The following NINJ2 variants were observed in gnomAD, a reference collection of about 807,000 sequenced individuals.
The protein encoded by NINJ2 is ninjurin-2.
A neutral mutation model predicts 11.7 loss-of-function variants in NINJ2; 12 were observed. The ratio of observed to expected loss-of-function variants is 1.02; its 90% CI spans 0.66 to 1.66. The LOEUF (loss-of-function observed/expected upper bound fraction) is 1.66, where lower values mean the gene tolerates loss of function less well. Ranked by LOEUF, NINJ2 falls within the 40% of genes most tolerant of loss-of-function variation. NINJ2 has a pLI of 0.00. For missense variants in NINJ2, 187 were observed against 181.8 expected (o/e 1.03, Z -0.16); for synonymous variants, 93 against 76.8 (o/e 1.21, Z -1.10).
At chr12:652,371 A>G (rs185684624) in intron 1 of NINJ2, among the ~76,000 whole-genome samples, 12 of 152,256 alleles carry the variant, frequency 7.9e-5, no homozygotes, top group Admixed American at 7.2e-4. Context: ...CAGACAAACA[A>G]AACTAAGAGG....
Position 615,232 on chromosome 12 carries a change from A to T in NINJ2, c.33+48096T>A, listed in dbSNP as rs181470354. On this transcript the variant is annotated intron_variant, in intron 1 of 3. Coordinates refer to ENST00000305108, the MANE Select transcript of NINJ2 (RefSeq NM_016533.6). ...TGCTAAATGAGAACACCTTATATTT[A>T]CCAAGAGGAGCATGATTTTTTTAAA... is the stretch of plus-strand genomic sequence containing the variant. Among the ~76,000 whole-genome samples the T allele has an allele frequency of 3.6e-3, 549 of 152,348 alleles. 8 individuals are homozygous for T. The highest frequency in any genetic ancestry group is 0.013 in the African/African-American group (521 of 41,578).
rs1947297734 is a variant in NINJ2 at position 566,098 on chromosome 12, C to T, written c.114G>A (p.Leu38=). 6.2e-7 allele frequency: 1 copy of T among 1,614,174 alleles called. No individual in the cohort carries two copies. The highest frequency in any genetic ancestry group is 8.5e-7 in the Non-Finnish European group (1 of 1,180,026). Residue 38 remains leucine, a synonymous_variant, in exon 2 of 4, where the codon CTG becomes CTA. Transcript: ENST00000305108. ...CGTTGGACATGAACAGGGCCACGTC[C>T]AGCATGCTCTCCGCCACGCTCTTCT... ...ATKKSVAESM[L]DVALFMSNAM...
chr12:593,490 G>A (rs535641935), intron 1 of NINJ2, among the ~76,000 whole-genome samples: 7 of 152,324 alleles, frequency 4.6e-5, no homozygotes, highest in Non-Finnish European at 8.8e-5. Context: ...CGCTGAGGTA[G>A]GAGGATCACT....
At chr12:660,139 T>A (rs549063597) in intron 1 of NINJ2, among the ~76,000 whole-genome samples, 3 of 150,818 alleles carry the variant, frequency 2.0e-5, no homozygotes, top group East Asian at 2.0e-4. Flanking sequence ...AAAAAAAAAA[T>A]TAGCTGGGCA....
chr12:609,111 C>A (rs1345951698), intron 1 of NINJ2, among the ~76,000 whole-genome samples: 24 of 134,718 alleles, frequency 1.8e-4, no homozygotes, highest in Non-Finnish European at 3.1e-4. Flanking sequence ...CACGGCGCCA[C>A]GCGCTAGGTG....
intron 1 of NINJ2, among the ~76,000 whole-genome samples, chr12:569,309 C>A (rs1231147020): frequency 6.6e-6 from 1 of 152,258 alleles, no homozygotes; most frequent in African/African-American, 2.4e-5. Context: ...AGGCTGCAAC[C>A]TGTGGTCTTA....
chr12:574,042 T>G (rs1947416429), intron 1 of NINJ2, among the ~76,000 whole-genome samples: 1 of 152,106 alleles, frequency 6.6e-6, no homozygotes, highest in African/African-American at 2.4e-5. Flanking sequence ...GCCAACATGA[T>G]GAAACCCCGT....
intron 1 of NINJ2, among the ~76,000 whole-genome samples, chr12:610,132 C>T (rs914781872): frequency 6.6e-5 from 10 of 152,160 alleles, no homozygotes; most frequent in African/African-American, 2.4e-4. Flanking sequence ...CCATTTTGAG[C>T]TCTAACTTTG....
At position 643,618 on chromosome 12, in the gene NINJ2, C is replaced by G. The variant is rs183548501; in HGVS notation, c.33+19710G>C. 9 of 988,056 alleles carry G rather than the reference C, an allele frequency of 9.1e-6. No homozygotes were observed. The Admixed American group carries it at 4.9e-4, about 54-fold the overall frequency. 61.2% of individuals were successfully genotyped at this position (988,056 alleles called of 1,614,324 possible). The stretch of plus-strand genomic sequence containing the variant: ...GAGAGATGAAGCGTTGTACGGCCAC[C>G]GAGCGGCTGCTTTGCAACGAAGCCA... On this transcript the variant is annotated intron_variant, in intron 1 of 3. Coordinates refer to ENST00000305108, the MANE Select transcript of NINJ2 (RefSeq NM_016533.6).
rs973670474 is a variant in NINJ2, at chr12:564,585, G to C, written c.*115C>G. ...GTGCTGTGGGTAGGGAGCAAGGGCA[G>C]CTATACTGTCCTTTCAGAAGCTCTC... On this transcript the variant is annotated 3_prime_UTR_variant, in exon 4 of 4. Coordinates refer to ENST00000305108, the MANE Select transcript of NINJ2 (RefSeq NM_016533.6). 1 of 152,288 alleles carries C rather than the reference G, an allele frequency of 6.6e-6. No individual in the cohort carries two copies. The highest frequency in any genetic ancestry group is 1.5e-5 in the Non-Finnish European group (1 of 68,066). The allele number at this position is 152,288 out of a possible 1,614,324, so 9.4% of individuals were successfully genotyped here. A position where few individuals can be genotyped will look rare whatever the true frequency, so the allele number is the denominator to read the frequency against.
At chr12:568,007 C>CAAAACA (rs1018488104) in intron 1 of NINJ2, among the ~76,000 whole-genome samples, 1 of 152,012 alleles carries the variant, frequency 6.6e-6, no homozygotes, top group African/African-American at 2.4e-5. Flanking sequence ...ACTCTTGTCT[C>CAAAACA]AAAACAAAAA....
chr12:638,828 C>A (rs967782789), intron 1 of NINJ2, among the ~76,000 whole-genome samples: 1 of 152,196 alleles, frequency 6.6e-6, no homozygotes, highest in Admixed American at 6.5e-5. Flanking sequence ...TCTCGGGAAC[C>A]ATGCTCCACC....
intron 1 of NINJ2, among the ~76,000 whole-genome samples, chr12:616,750 AT>A (rs1183244299): frequency 6.6e-6 from 1 of 152,204 alleles, no homozygotes; most frequent in Non-Finnish European, 1.5e-5. Flanking sequence ...TACCTTTAAG[AT>A]TTATCCAAAA....
intron 1 of NINJ2, among the ~76,000 whole-genome samples, chr12:634,265 C>CTTTTTTTTTTTTGTTT (rs1948317878): frequency 1.7e-5 from 1 of 59,480 alleles, no homozygotes; most frequent in African/African-American, 5.6e-5. Flanking sequence ...AGTTGCAGTT[C>CTTTTTTTTTTTTGTTT]TTTTTTTTTT....
chr12:583,824 T>C (rs938849386), intron 1 of NINJ2, among the ~76,000 whole-genome samples: 3 of 152,180 alleles, frequency 2.0e-5, no homozygotes, highest in Non-Finnish European at 4.4e-5. Context: ...TGCCCCTTCA[T>C]AGCTGCATGG....
At chr12:651,663 A>G (rs1937787506) in intron 1 of NINJ2, among the ~76,000 whole-genome samples, 1 of 152,248 alleles carries the variant, frequency 6.6e-6, no homozygotes. Flanking sequence ...AGGATTTAAA[A>G]CAACTATGAT....
At chr12:623,388 C>A (rs1205628954) in intron 1 of NINJ2, among the ~76,000 whole-genome samples, 1 of 152,220 alleles carries the variant, frequency 6.6e-6, no homozygotes, top group Non-Finnish European at 1.5e-5. Context: ...GTGTGACACA[C>A]CTTTCCCCAG....
At chr12:621,300 A>G (rs1486832325) in intron 1 of NINJ2, among the ~76,000 whole-genome samples, 2 of 151,822 alleles carry the variant, frequency 1.3e-5, no homozygotes, top group Non-Finnish European at 2.9e-5. Flanking sequence ...AATTTAAAAA[A>G]AAAATTAGCC....
rs563566068 is a variant in NINJ2 at position 651,399 on chromosome 12, C to T, written c.33+11929G>A. ...ACCCACCTAAGGTGTGGGTACTAGA[C>T]GCATTTGTGATGTTCAGTCCAGAGG... On this transcript the variant is annotated intron_variant, in intron 1 of 3. Transcript: ENST00000305108. Among the ~76,000 whole-genome samples the T allele has an allele frequency of 1.5e-4, 23 of 152,268 alleles. No individual in the cohort carries two copies. In the South Asian group the frequency reaches 3.7e-3, roughly 25 times the overall value.
Sources: allele counts gnomAD v4.1 joint callset (sites outside exome capture counted in the v4.1 genomes callset), GRCh38; gene constraint gnomAD v4.1.1; transcripts MANE v1.5; gene names NCBI Gene and HGNC (gene_info 2026-07-23, HGNC 2026-07-21).